GPR158: variants seen among roughly 807,000 people sequenced by gnomAD.
The protein encoded by GPR158 is G protein-coupled receptor 158, also known as metabotropic glycine receptor.
In GPR158, 30 loss-of-function variants were observed where a neutral mutation model predicts 78.2. The observed-to-expected ratio is 0.38, with a 90% CI of 0.29 to 0.52. GPR158 has a LOEUF of 0.52. GPR158 is among the 20% of genes least tolerant of loss of function. The probability of loss-of-function intolerance (pLI) is 0.83; values close to 1 mark genes in which losing one functional copy is unlikely to be tolerated. For missense variants in GPR158, 1,463 were observed against 1,523.5 expected, an observed-to-expected ratio of 0.96 and a Z score of 0.66; for synonymous variants, 581 against 591.1, an observed-to-expected ratio of 0.98 and a Z score of 0.25.
chr10:25,273,321 GAGA>G (rs1387678474), intron 2 of GPR158, among the ~76,000 whole-genome samples: 1 of 151,566 alleles, frequency 6.6e-6, no homozygotes, highest in Non-Finnish European at 1.5e-5. Flanking sequence ...TTTACCCAAG[GAGA>G]AGAAGTTTAA....
At chr10:25,569,525 A>G (rs1836976008) in intron 6 of GPR158, among the ~76,000 whole-genome samples, 1 of 152,174 alleles carries the variant, frequency 6.6e-6, no homozygotes, top group Admixed American at 6.6e-5. Flanking sequence ...CTGTTTCTCA[A>G]CCTGATGAAA....
intron 2 of GPR158, among the ~76,000 whole-genome samples, chr10:25,257,951 C>A (rs922932160): frequency 6.6e-6 from 1 of 152,122 alleles, no homozygotes; most frequent in African/African-American, 2.4e-5. Context: ...TTATGTGCAT[C>A]CTGACTCTTC....
intron 2 of GPR158, among the ~76,000 whole-genome samples, chr10:25,246,743 A>T (rs1853695460): frequency 6.6e-6 from 1 of 152,220 alleles, no homozygotes; most frequent in African/African-American, 2.4e-5. Context: ...TCCTTCAGAA[A>T]CAAGATTATT....
At chr10:25,385,964 G>A (rs1283819932) in intron 2 of GPR158, among the ~76,000 whole-genome samples, 1 of 152,074 alleles carries the variant, frequency 6.6e-6, no homozygotes, top group Non-Finnish European at 1.5e-5. Context: ...TTTTAAATTT[G>A]ATGTAGTCCC....
At chr10:25,526,552 T>A (rs1836349710) in intron 5 of GPR158, among the ~76,000 whole-genome samples, 2 of 152,184 alleles carry the variant, frequency 1.3e-5, no homozygotes, top group Non-Finnish European at 1.5e-5. Context: ...AGTGGGTTTA[T>A]GTAAGGAGTT....
At chr10:25,530,001 A>C (rs527846513) in intron 5 of GPR158, among the ~76,000 whole-genome samples, 7 of 152,280 alleles carry the variant, frequency 4.6e-5, no homozygotes, top group South Asian at 4.1e-4. Flanking sequence ...TTACTGCTTT[A>C]GTTTGTCACC....
chr10:25,365,184 A>G (rs1037278260), intron 2 of GPR158, among the ~76,000 whole-genome samples: 5 of 151,844 alleles, frequency 3.3e-5, no homozygotes, highest in Admixed American at 6.6e-5. Context: ...AAAATTTTTC[A>G]TGTTTGCAGA....
At chr10:25,427,457 G>A (rs1834840496) in intron 4 of GPR158, among the ~76,000 whole-genome samples, 3 of 151,948 alleles carry the variant, frequency 2.0e-5, no homozygotes, top group African/African-American at 7.2e-5. Context: ...TTCAGGAACT[G>A]GTCACTGGTT....
intron 2 of GPR158, among the ~76,000 whole-genome samples, chr10:25,252,257 G>T (rs1853814336): frequency 1.3e-5 from 2 of 151,106 alleles, no homozygotes; most frequent in African/African-American, 4.8e-5. Flanking sequence ...CCTTTGGTTT[G>T]AATGTCCTCC....
chr10:25,255,674 T>C lies in GPR158; in HGVS notation c.1008+34517T>C, dbSNP rs1240724765. 3.9e-5 allele frequency among the ~76,000 whole-genome samples: 6 copies of C among 152,356 alleles called. No homozygotes were observed. In the East Asian group the frequency reaches 1.2e-3, roughly 29 times the overall value. On this transcript the variant is annotated intron_variant, in intron 2 of 10. Coordinates refer to ENST00000376351, the MANE Select transcript of GPR158 (RefSeq NM_020752.3). ...CCCTCAGGAGATGGCCATGTATTTC[T>C]CTCACAGCCTGGATGGCTGTCTTCT...
At chr10:25,266,786 TA>T (rs556809128) in intron 2 of GPR158, among the ~76,000 whole-genome samples, 162 of 152,260 alleles carry the variant, frequency 1.1e-3, no homozygotes, top group African/African-American at 3.5e-3. Context: ...ACCTCATAAA[TA>T]TTTTTTTATG....
At chr10:25,420,014 T>C (rs1834725068) in intron 4 of GPR158, among the ~76,000 whole-genome samples, 1 of 152,202 alleles carries the variant, frequency 6.6e-6, no homozygotes, top group Admixed American at 6.5e-5. Context: ...TATTTGGTTT[T>C]TCATTGTTGA....
intron 2 of GPR158, among the ~76,000 whole-genome samples, chr10:25,236,274 G>C (rs1853523618): frequency 6.6e-6 from 1 of 152,152 alleles, no homozygotes. Flanking sequence ...GGGAGGCCAA[G>C]ATGGGCTGAT....
intron 2 of GPR158, among the ~76,000 whole-genome samples, chr10:25,321,929 AAG>A (rs990987083): frequency 6.6e-5 from 10 of 152,290 alleles, no homozygotes; most frequent in South Asian, 2.1e-4. Context: ...GAATATGGAA[AAG>A]AGAGTGAAAA....
intron 2 of GPR158, among the ~76,000 whole-genome samples, chr10:25,373,421 AAT>A (rs1834031739): frequency 6.6e-6 from 1 of 151,950 alleles, no homozygotes; most frequent in South Asian, 2.1e-4. Flanking sequence ...AAGTATTTCA[AAT>A]ATGTGTCTGT....
At chr10:25,211,333 G>A (rs904256902) in intron 1 of GPR158, among the ~76,000 whole-genome samples, 1 of 152,126 alleles carries the variant, frequency 6.6e-6, no homozygotes, top group Admixed American at 6.6e-5. Flanking sequence ...TAAATGATTA[G>A]AAGTTTATTT....
intron 2 of GPR158, among the ~76,000 whole-genome samples, chr10:25,343,633 A>T (rs1246237345): frequency 6.6e-6 from 1 of 151,996 alleles, no homozygotes; most frequent in Non-Finnish European, 1.5e-5. Context: ...AGTGCTTTTG[A>T]AAACTGTTCT....
Position 25,225,684 on chromosome 10 carries a change from C to A in GPR158, c.1008+4527C>A, listed in dbSNP as rs566774033. Among the ~76,000 whole-genome samples, 4 of 152,116 alleles carry A rather than the reference C, an allele frequency of 2.6e-5. No individual in the cohort carries two copies. In the South Asian group the frequency reaches 8.3e-4, roughly 32 times the overall value. On this transcript the variant is annotated intron_variant, in intron 2 of 10. Transcript: ENST00000376351. ...CTTTGGAGACCACTTTTTGAAGATA[C>A]CAGATTCACTGGAGTGGTTGTGTTA...
intron 2 of GPR158, among the ~76,000 whole-genome samples, chr10:25,394,856 G>T (rs1390544638): frequency 4.6e-5 from 7 of 152,018 alleles, no homozygotes; most frequent in African/African-American, 1.7e-4. Flanking sequence ...TTTAAGCTTA[G>T]ATTATGGAAT....
Sources: allele counts gnomAD v4.1 joint callset (sites outside exome capture counted in the v4.1 genomes callset), GRCh38; gene constraint gnomAD v4.1.1; transcripts MANE v1.5; gene names NCBI Gene and HGNC (gene_info 2026-07-23, HGNC 2026-07-21).